Variants in DIAPH1 observed in about 807,000 individuals in gnomAD.
DIAPH1 encodes the protein protein diaphanous homolog 1.
DIAPH1 carries 46 observed loss-of-function variants against 140.7 expected under a neutral mutation model. The observed-to-expected ratio is 0.33, with a 90% CI of 0.26 to 0.42. DIAPH1 has a LOEUF of 0.42. Among genes scored for constraint, DIAPH1 ranks in the 10% least tolerant of loss-of-function variants. The pLI is 1.00. For missense variants in DIAPH1, 1,310 were observed against 1,558.7 expected, an observed-to-expected ratio of 0.84 and a Z score of 2.69; for synonymous variants, 565 against 551.6, an observed-to-expected ratio of 1.02 and a Z score of -0.34.
intron 18 of DIAPH1, among the ~76,000 whole-genome samples, chr5:141,562,507 C>T (rs918122518): frequency 6.6e-6 from 1 of 151,136 alleles, no homozygotes; most frequent in Non-Finnish European, 1.5e-5. Context: ...AAATGGTTAC[C>T]TCTAGAAGGT....
chr5:141,574,021 G>A lies in DIAPH1; in HGVS notation c.1829C>T (p.Pro610Leu). 1 of 1,565,556 alleles carries A rather than the reference G, an allele frequency of 6.4e-7. No individual in the cohort carries two copies. Among genetic ancestry groups the A allele is most frequent in the Non-Finnish European group, 8.7e-7 (1 of 1,155,456 alleles). Reference protein sequence around the residue: ...PAPGDSTTPPPPPPPPPPPPP... With the variant: ...PAPGDSTTPPLPPPPPPPPPP... Reference sequence around the variant, plus strand: ...TGGAGGAGGAGGAGGAGGAGGAGGAGGAGGAGGAGTGGTACTATCCCCAGG... The same window carrying A: ...TGGAGGAGGAGGAGGAGGAGGAGGAAGAGGAGGAGTGGTACTATCCCCAGG... Residue 610 changes from proline to leucine, a missense_variant, in exon 16 of 28, where the codon CCT (proline) becomes CTT (leucine). By Grantham distance (98) the Pro-to-Leu change is moderately conservative (BLOSUM62 -3). Coordinates refer to ENST00000389054, the MANE Select transcript of DIAPH1 (RefSeq NM_005219.5).
In DIAPH1 at chr5:141,529,831, C is replaced by T; in HGVS notation, c.2582-134G>A. ...AGGCACAGTGGCTCATGCCTGTAAT[C>T]CCAGCACTTCGGGAGGCCAAGGTGG... On this transcript the variant is annotated intron_variant, in intron 19 of 27. Transcript: ENST00000389054. The T allele has an allele frequency of 1.4e-5, 11 of 776,292 alleles. No individual in the cohort carries two copies. In the South Asian group the frequency reaches 1.6e-4, roughly 11 times the overall value. 48.1% of individuals were successfully genotyped at this position (776,292 alleles called of 1,614,324 possible).
In DIAPH1 at chr5:141,516,698, T is replaced by A. The variant is rs1326891313; in HGVS notation, c.*153A>T. The stretch of plus-strand genomic sequence containing the variant: ...TCCAGGCAGCTGAAGCTGTATGTGA[T>A]GTTGAGAGAGCAGCAGGCCAGAGAG... On this transcript the variant is annotated 3_prime_UTR_variant, in exon 28 of 28. Coordinates refer to ENST00000389054, the MANE Select transcript of DIAPH1 (RefSeq NM_005219.5). 1.2e-6 allele frequency: 1 copy of A among 824,816 alleles called. No homozygotes were observed. Among genetic ancestry groups the A allele is most frequent in the East Asian group, 2.7e-5 (1 of 37,392 alleles). 51.1% of individuals were successfully genotyped at this position (824,816 alleles called of 1,614,324 possible).
chr5:141,603,156 G>A (rs1430605730), intron 1 of DIAPH1, among the ~76,000 whole-genome samples: 1 of 152,244 alleles, frequency 6.6e-6, no homozygotes, highest in Non-Finnish European at 1.5e-5. Context: ...ATAGGCTCAT[G>A]TTCTCCATGA....
intron 18 of DIAPH1, among the ~76,000 whole-genome samples, chr5:141,549,682 A>C (rs1339497510): frequency 1.3e-5 from 2 of 152,222 alleles, no homozygotes. Context: ...CAAAGTACTA[A>C]GCTATCAGTA....
At chr5:141,613,190 T>G (rs538056454) in intron 1 of DIAPH1, among the ~76,000 whole-genome samples, 2 of 152,296 alleles carry the variant, frequency 1.3e-5, no homozygotes, top group Non-Finnish European at 2.9e-5. Context: ...TTCAATTCCA[T>G]TATGCTAACT....
rs766505218 is a variant in DIAPH1 at position 141,526,094 on chromosome 5, T to C, written c.3518A>G (p.Glu1173Gly). Residue 1173 changes from glutamate (E) to glycine (G), a missense_variant, in exon 26 of 28, where the codon GAG becomes GGG. Glu to Gly is a moderately conservative substitution (Grantham distance 98, BLOSUM62 -2). Transcript: ENST00000389054. Reference sequence around the variant, plus strand: ...CTGCTGCTTCTCTAGCCGCTCCTTCTCTGCCTTCTCCTTGGCTAGTTTTGC... The same window carrying C: ...CTGCTGCTTCTCTAGCCGCTCCTTCCCTGCCTTCTCCTTGGCTAGTTTTGC... ...RRAKLAKEKA[E>G]KERLEKQQKR... The C allele has an allele frequency of 6.2e-7, 1 of 1,614,156 alleles. No homozygotes were observed. Among genetic ancestry groups the C allele is most frequent in the Non-Finnish European group, 8.5e-7 (1 of 1,180,034 alleles).
At chr5:141,616,883 A>G (rs1243544049) in intron 1 of DIAPH1, among the ~76,000 whole-genome samples, 1 of 152,252 alleles carries the variant, frequency 6.6e-6, no homozygotes, top group Non-Finnish European at 1.5e-5. Flanking sequence ...TCCATTAAAC[A>G]TATAGAAGAC....
intron 14 of DIAPH1, 57 bp downstream of exon 14, chr5:141,576,170 AAAT>A: frequency 1.5e-6 from 2 of 1,367,112 alleles, no homozygotes; most frequent in Admixed American, 1.7e-5. Context: ...TAGATCAGGA[AAAT>A]AATAATTCTC....
chr5:141,590,688 C>T (rs908282216), intron 1 of DIAPH1, among the ~76,000 whole-genome samples: 1 of 151,708 alleles, frequency 6.6e-6, no homozygotes, highest in African/African-American at 2.4e-5. Flanking sequence ...ATAACAGAAC[C>T]TGCGTCTAAA....
At chr5:141,612,929 T>C (rs2099902075) in intron 1 of DIAPH1, among the ~76,000 whole-genome samples, 1 of 152,194 alleles carries the variant, frequency 6.6e-6, no homozygotes, top group South Asian at 2.1e-4. Context: ...GGTTTATAAA[T>C]CATCCTGTCT....
chr5:141,605,236 A>G lies in DIAPH1; in HGVS notation c.117+13562T>C, dbSNP rs564818671. Among the ~76,000 whole-genome samples the G allele has an allele frequency of 1.4e-4, 22 of 152,340 alleles. No homozygotes were observed. The South Asian group carries it at 4.6e-3, about 32-fold the overall frequency. ...ATTAAGGTGGCAATTTTCAAAGATTAGAAAGCTGGAAAATTTTTATGACAC... is the reference window on the plus strand; with the variant it reads ...ATTAAGGTGGCAATTTTCAAAGATTGGAAAGCTGGAAAATTTTTATGACAC... On this transcript the variant is annotated intron_variant, in intron 1 of 27. Transcript: ENST00000389054.
intron 18 of DIAPH1, chr5:141,560,938 AGGG>A: frequency 4.5e-6 from 2 of 449,356 alleles, no homozygotes; most frequent in Non-Finnish European, 8.9e-6. Context: ...GGGAAAGATG[AGGG>A]GGGGAAGGGG....
At chr5:141,524,488 C>A in intron 26 of DIAPH1, 1 of 516,010 alleles carries the variant, frequency 1.9e-6, no homozygotes, top group African/African-American at 1.9e-5. Context: ...GCAATGCCAT[C>A]CTCCCCACCC....
chr5:141,573,742 G>C lies in DIAPH1; in HGVS notation c.2108C>G (p.Pro703Arg), dbSNP rs762356974. ...PLPGSAGIPP[P>R]PPPLPGEAGM... is the part of the protein sequence containing the mutation. ...TGCTTCTCCAGGCAAGGGAGGAGGTGGGGGGGGAATTCCAGCACTCCCAGG... is the reference window on the plus strand; with the variant it reads ...TGCTTCTCCAGGCAAGGGAGGAGGTCGGGGGGGAATTCCAGCACTCCCAGG... The change falls in exon 16 of 28, where the codon CCA becomes CGA. Residue 703 changes from proline (P) to arginine (R), a missense_variant. Pro to Arg is a moderately radical substitution (Grantham distance 103, BLOSUM62 -2). Around this residue, in one of 3 missense-constraint regions of DIAPH1, gnomAD observed 589 missense variants for 549.3 expected, o/e 1.07. Transcript: ENST00000389054. 18 of 1,528,838 alleles carry C rather than the reference G, an allele frequency of 1.2e-5. No homozygotes were observed. The highest frequency in any genetic ancestry group is 3.6e-5 in the South Asian group (3 of 82,572). 94.7% of individuals were successfully genotyped at this position (1,528,838 alleles called of 1,614,324 possible). A position where few individuals can be genotyped will look rare whatever the true frequency, so the allele number is the denominator to read the frequency against.
At chr5:141,531,948 C>G (rs1171707402) in intron 19 of DIAPH1, among the ~76,000 whole-genome samples, 5 of 152,082 alleles carry the variant, frequency 3.3e-5, no homozygotes, top group African/African-American at 1.2e-4. Context: ...GCCAAAGCAG[C>G]CTTCCTAAAA....
chr5:141,607,961 A>G lies in DIAPH1; in HGVS notation c.117+10837T>C, dbSNP rs74549071. Among the ~76,000 whole-genome samples the G allele has an allele frequency of 7.2e-3, 1,095 of 152,382 alleles. 8 individuals are homozygous for G. Among genetic ancestry groups the G allele is most frequent in the Middle Eastern group, 0.02 (6 of 294 alleles). On this transcript the variant is annotated intron_variant, in intron 1 of 27. Transcript: ENST00000389054. Reference sequence around the variant, plus strand: ...TAATAACCCCCTAATTTTACAAAAGATAAAAAGATGAAGAAAAGTAAAATA... The same window carrying G: ...TAATAACCCCCTAATTTTACAAAAGGTAAAAAGATGAAGAAAAGTAAAATA...
chr5:141,618,561 G>A (rs1202894627), intron 1 of DIAPH1: 3 of 437,292 alleles, frequency 6.9e-6, no homozygotes, highest in South Asian at 5.5e-5. Flanking sequence ...AGAATGTAAG[G>A]GCTGGGGAAC....
intron 18 of DIAPH1, among the ~76,000 whole-genome samples, chr5:141,549,390 T>C (rs567811435): frequency 6.6e-6 from 1 of 152,250 alleles, no homozygotes; most frequent in Non-Finnish European, 1.5e-5. Context: ...TTTTAAAATA[T>C]ATAAAGTTAA....
Sources: gnomAD v4.1 joint callset for allele counts (sites outside exome capture counted in the v4.1 genomes callset) on GRCh38, gnomAD v4.1.1 for gene constraint, gnomAD v4.1.1 regional missense constraint, MANE v1.5 for transcripts, NCBI Gene and HGNC (gene_info 2026-07-23, HGNC 2026-07-21) for gene names.